WSB2: variants seen among roughly 807,000 people sequenced by gnomAD.
The protein encoded by WSB2 is WD repeat and SOCS box-containing protein 2.
A neutral mutation model predicts 48.8 loss-of-function variants in WSB2; 12 were observed. That is an observed-to-expected ratio of 0.25 (90% CI 0.16 to 0.40). The LOEUF is 0.40. WSB2 is among the 10% of genes least tolerant of loss of function. The pLI, the probability that WSB2 is intolerant of heterozygous loss-of-function variation, is 1.00. For synonymous variants in WSB2, 191 were observed against 203.1 expected, an observed-to-expected ratio of 0.94 and a Z score of 0.51; for missense variants, 317 against 506.2, an observed-to-expected ratio of 0.63 and a Z score of 3.59.
chr12:118,042,423 C>T (rs1290746748), intron 4 of WSB2: 1 of 176,894 alleles, frequency 5.7e-6, no homozygotes, highest in African/African-American at 2.4e-5. Context: ...GTTATCCAGC[C>T]CAAAATATCC....
chr12:118,052,169 T>A, intron 2 of WSB2, 141 bp downstream of exon 2: 2 of 1,223,478 alleles, frequency 1.6e-6, no homozygotes, highest in Non-Finnish European at 2.2e-6. Flanking sequence ...TATACAGAAC[T>A]TGGGGCTCTG....
intron 1 of WSB2, among the ~76,000 whole-genome samples, chr12:118,058,467 G>T (rs1400452972): frequency 6.6e-6 from 1 of 151,800 alleles, no homozygotes. Context: ...TCCCATCTCA[G>T]CCTCCCCAGT....
chr12:118,044,952 TA>T (rs1252311472), intron 2 of WSB2, among the ~76,000 whole-genome samples: 1 of 152,228 alleles, frequency 6.6e-6, no homozygotes, highest in East Asian at 1.9e-4. Context: ...CTTTATGTAT[TA>T]ATTGGTGCGA....
rs959755069 is a variant in WSB2 at position 118,052,698 on chromosome 12, A to C, written c.14-220T>G. 3 of 651,684 alleles carry C rather than the reference A, an allele frequency of 4.6e-6. No individual in the cohort carries two copies. The African/African-American group carries it at 5.5e-5, about 12-fold the overall frequency. The allele number at this position is 651,684 out of a possible 1,614,324, so 40.4% of individuals were successfully genotyped here. ...TCACTGCTGGTTAACCATGACTCAC[A>C]GTAACCTTTGTGCCCATGAACCCAG... On this transcript the variant is annotated intron_variant, in intron 1 of 8. Transcript: ENST00000315436.
intron 2 of WSB2, among the ~76,000 whole-genome samples, chr12:118,044,014 G>T (rs879656104): frequency 1.3e-4 from 19 of 151,846 alleles, no homozygotes; most frequent in South Asian, 1.0e-3. Context: ...AGCTACTTAG[G>T]AGGCTGAGGC....
intron 7 of WSB2, 49 bp from the exon 8 acceptor site, chr12:118,035,142 C>T (rs2031478275): frequency 6.2e-7 from 1 of 1,612,416 alleles, no homozygotes; most frequent in Admixed American, 1.7e-5. Flanking sequence ...CAGGGCCAGA[C>T]CAAGAGGGCC....
intron 1 of WSB2, among the ~76,000 whole-genome samples, chr12:118,053,177 A>C (rs910858959): frequency 6.6e-6 from 1 of 152,112 alleles, no homozygotes; most frequent in African/African-American, 2.4e-5. Flanking sequence ...CCGCCTGCCT[A>C]CATCATAAAG....
In WSB2 at chr12:118,046,480, A is replaced by G. The variant is rs544783358; in HGVS notation, c.183-3103T>C. Among the ~76,000 whole-genome samples, 25 of 152,002 alleles carry G rather than the reference A, an allele frequency of 1.6e-4. No homozygotes were observed. In the East Asian group the frequency reaches 3.1e-3, roughly 19 times the overall value. ...AGACTCCATCTCAAAAAAAAAAAAA[A>G]AAAGAAAGAAAAAATTTGTCAACCT... On this transcript the variant is annotated intron_variant, in intron 2 of 8. Transcript: ENST00000315436.
intron 4 of WSB2, chr12:118,042,592 A>G: frequency 2.1e-6 from 1 of 467,020 alleles, no homozygotes; most frequent in Non-Finnish European, 3.7e-6. Context: ...GATATACAAT[A>G]TATCTTCGAT....
At chr12:118,048,829 T>G (rs2031794664) in intron 2 of WSB2, among the ~76,000 whole-genome samples, 1 of 151,972 alleles carries the variant, frequency 6.6e-6, no homozygotes, top group South Asian at 2.1e-4. Flanking sequence ...AAAAAAAAAT[T>G]GTTATTGTTT....
chr12:118,035,373 C>G, intron 6 of WSB2, 49 bp from the exon 7 acceptor site: 1 of 1,547,004 alleles, frequency 6.5e-7, no homozygotes, highest in South Asian at 1.1e-5. Context: ...TGGCTGCTCT[C>G]CACCCTCCAT....
chr12:118,057,795 C>A, intron 1 of WSB2, among the ~76,000 whole-genome samples: 1 of 144,848 alleles, frequency 6.9e-6, no homozygotes. Flanking sequence ...TTTTTTGAGA[C>A]CCAGGCTGGG....
rs369847771 is a variant in WSB2 at position 118,036,442 on chromosome 12, G to A, written c.729C>T (p.Val243=). The stretch of plus-strand genomic sequence containing the variant: ...CAGAGTCGGGGGAGAAGTCACAAGA[G>A]ACAACACTGCTTTGATGGCCCTCTA... ...RKLEGHQSSV[V]SCDFSPDSAL... is the part of the protein sequence containing the mutation. Residue 243 remains valine (V), a synonymous_variant, in exon 6 of 9, where the codon GTC becomes GTT. Transcript: ENST00000315436. 1.2e-6 allele frequency: 2 copies of A among 1,614,098 alleles called. No individual in the cohort carries two copies. Among genetic ancestry groups the A allele is most frequent in the Non-Finnish European group, 1.7e-6 (2 of 1,180,048 alleles).
Position 118,053,856 on chromosome 12 carries a change from C to A in WSB2, c.14-1378G>T, listed in dbSNP as rs115670279. 4.2e-3 allele frequency among the ~76,000 whole-genome samples: 645 copies of A among 152,232 alleles called. 4 individuals carry two copies. Among genetic ancestry groups the A allele is most frequent in the African/African-American group, 0.015 (614 of 41,556 alleles). The stretch of plus-strand genomic sequence containing the variant: ...GGAAGACTTTGACCCTGGCTGTTAC[C>A]AGATAGATATTCATTTTTAAAACCC... On this transcript the variant is annotated intron_variant, in intron 1 of 8. Transcript: ENST00000315436.
In WSB2 at chr12:118,052,730, G is replaced by C. The variant is rs374142056; in HGVS notation, c.14-252C>G. 58 of 543,734 alleles carry C rather than the reference G, an allele frequency of 1.1e-4. No individual in the cohort carries two copies. The East Asian group carries it at 1.3e-3, about 12-fold the overall frequency. 33.7% of individuals were successfully genotyped at this position (543,734 alleles called of 1,614,324 possible). ...TTTGTGCCCATGAACCCAGTGAATG[G>C]AGGCCTCATTTTCCTATGAATACTT... is the stretch of plus-strand genomic sequence containing the variant. On this transcript the variant is annotated intron_variant, in intron 1 of 8. Coordinates refer to ENST00000315436, the MANE Select transcript of WSB2 (RefSeq NM_018639.5).
At chr12:118,044,000 C>T (rs1056336193) in intron 2 of WSB2, among the ~76,000 whole-genome samples, 6 of 147,934 alleles carry the variant, frequency 4.1e-5, no homozygotes, top group African/African-American at 1.5e-4. Flanking sequence ...GTGCCTGTAA[C>T]CCCAGCTACT....
chr12:118,048,509 C>T lies in WSB2; in HGVS notation c.182+3801G>A, dbSNP rs77274262. 4.0e-3 allele frequency among the ~76,000 whole-genome samples: 603 copies of T among 151,798 alleles called. 2 individuals carry two copies. The highest frequency in any genetic ancestry group is 6.3e-3 in the Non-Finnish European group (428 of 67,976). ...GCTGAAGCAGGAGGACCACTTGAAT[C>T]CAGGAGGCAGAGGTTAAAGTGAGCC... On this transcript the variant is annotated intron_variant, in intron 2 of 8. Transcript: ENST00000315436.
chr12:118,041,191 C>T (rs2031629252), intron 4 of WSB2, among the ~76,000 whole-genome samples: 1 of 152,194 alleles, frequency 6.6e-6, no homozygotes, highest in Non-Finnish European at 1.5e-5. Flanking sequence ...AAGCCCTAAT[C>T]CCCAATGTGA....
At chr12:118,051,455 T>C (rs962217749) in intron 2 of WSB2, among the ~76,000 whole-genome samples, 1 of 152,218 alleles carries the variant, frequency 6.6e-6, no homozygotes, top group African/African-American at 2.4e-5. Flanking sequence ...AATACTAGTA[T>C]ATGCTAGAAT....
Sources: allele counts gnomAD v4.1 joint callset (sites outside exome capture counted in the v4.1 genomes callset), GRCh38; gene constraint gnomAD v4.1.1; transcripts MANE v1.5; gene names NCBI Gene and HGNC (gene_info 2026-07-23, HGNC 2026-07-21).